TLE3: variants seen among roughly 807,000 people sequenced by gnomAD.
TLE3 encodes transducin-like enhancer protein 3.
Under a neutral mutation model 93.0 loss-of-function variants are expected in TLE3, and 14 were observed. The observed-to-expected ratio is 0.15, with a 90% CI of 0.10 to 0.24. TLE3 has a LOEUF of 0.24. Among genes scored for constraint, TLE3 ranks in the 10% least tolerant of loss-of-function variants. The probability of loss-of-function intolerance (pLI) is 1.00; values close to 1 mark genes in which losing one functional copy is unlikely to be tolerated. For synonymous variants in TLE3, 451 were observed against 425.0 expected (o/e 1.06, Z -0.75); for missense variants, 693 against 1,046.6 (o/e 0.66, Z 4.66).
At chr15:70,070,318 G>T (rs547115740) in intron 6 of TLE3, among the ~76,000 whole-genome samples, 9 of 152,358 alleles carry the variant, frequency 5.9e-5, no homozygotes, top group African/African-American at 2.2e-4. Context: ...TGCAGAGTAC[G>T]TGTAATTGGA....
At chr15:70,071,397 C>A (rs2057150483) in intron 6 of TLE3, among the ~76,000 whole-genome samples, 1 of 152,150 alleles carries the variant, frequency 6.6e-6, no homozygotes, top group Non-Finnish European at 1.5e-5. Context: ...GCCTGGTTCC[C>A]TCTGTCTGTC....
At chr15:70,071,412 C>T (rs2057151836) in intron 6 of TLE3, among the ~76,000 whole-genome samples, 1 of 152,124 alleles carries the variant, frequency 6.6e-6, no homozygotes, top group Non-Finnish European at 1.5e-5. Context: ...TCTGTCTTTC[C>T]TTCCCCTTTT....
chr15:70,073,116 C>G (rs1467003685), intron 6 of TLE3, among the ~76,000 whole-genome samples: 3 of 152,224 alleles, frequency 2.0e-5, no homozygotes, highest in Admixed American at 6.5e-5. Flanking sequence ...TCAAAGGACT[C>G]TGCAACCATC....
chr15:70,097,835 G>T lies in TLE3; in HGVS notation c.-1037C>A. ...ACACACCAAAAAAAAAAGTGCCCCG[G>T]ACCTACGGATACCACACACAGACAG... On this transcript the variant is annotated 5_prime_UTR_variant, in exon 1 of 20. Transcript: ENST00000451782. 2.8e-6 allele frequency: 1 copy of T among 362,350 alleles called. No individual in the cohort carries two copies. Among genetic ancestry groups the T allele is most frequent in the South Asian group, 1.5e-4 (1 of 6,712 alleles). 22.4% of individuals were successfully genotyped at this position (362,350 alleles called of 1,614,324 possible).
At chr15:70,051,764 C>A (rs1197309970) in intron 18 of TLE3, among the ~76,000 whole-genome samples, 1 of 152,118 alleles carries the variant, frequency 6.6e-6, no homozygotes, top group Non-Finnish European at 1.5e-5. Flanking sequence ...GGTTGACTGG[C>A]CTTTCTAAAT....
intron 19 of TLE3, chr15:70,051,036 C>T (rs1259511330): frequency 3.4e-5 from 6 of 176,484 alleles, no homozygotes; most frequent in East Asian, 3.3e-4. Context: ...GCAAGGCTGC[C>T]GGGTGCCCAG....
In TLE3 at chr15:70,077,943, G is replaced by A. The variant is rs150357482; in HGVS notation, c.235-1785C>T. 3.6e-3 allele frequency among the ~76,000 whole-genome samples: 552 copies of A among 152,284 alleles called. 3 individuals carry two copies. The highest frequency in any genetic ancestry group is 0.013 in the African/African-American group (528 of 41,550). ...GACTCCACATTGACACATGTGTGGG[G>A]CACTCTAGCCAGGACACCATACATC... On this transcript the variant is annotated intron_variant, in intron 4 of 19. Coordinates refer to ENST00000451782, the MANE Select transcript of TLE3 (RefSeq NM_001105192.3).
rs1295189660 is a variant in TLE3, at chr15:70,097,394, G to C, written c.-596C>G. 7.3e-6 allele frequency: 3 copies of C among 408,642 alleles called. No individual in the cohort carries two copies. The highest frequency in any genetic ancestry group is 1.3e-5 in the Non-Finnish European group (3 of 231,868). 25.3% of individuals were successfully genotyped at this position (408,642 alleles called of 1,614,324 possible). A position where few individuals can be genotyped will look rare whatever the true frequency, so the allele number is the denominator to read the frequency against. The stretch of plus-strand genomic sequence containing the variant: ...GAGGGTGAGGGCGGGAGCCCGGCGC[G>C]GGCGCTTCGACGCCCCCCCTCGGAG... On this transcript the variant is annotated 5_prime_UTR_variant, in exon 1 of 20. Transcript: ENST00000451782.
intron 16 of TLE3, 42 bp downstream of exon 16, chr15:70,054,396 T>C: frequency 1.3e-6 from 2 of 1,583,830 alleles, no homozygotes; most frequent in Non-Finnish European, 1.7e-6. Flanking sequence ...GGGTAAAAAC[T>C]TCCCCAGGAC....
Position 70,086,389 on chromosome 15 carries a change from C to A in TLE3, c.234+8143G>T, listed in dbSNP as rs78757053. 7.5e-3 allele frequency among the ~76,000 whole-genome samples: 1,143 copies of A among 152,284 alleles called. 18 individuals are homozygous for A. Among genetic ancestry groups the A allele is most frequent in the African/African-American group, 0.026 (1,098 of 41,540 alleles). Reference sequence around the variant, plus strand: ...AGCAAAGACCTGTCGAGGGCTAGCCCAAGGGAAAGATTTGGGAAGTGGGTG... The same window carrying A: ...AGCAAAGACCTGTCGAGGGCTAGCCAAAGGGAAAGATTTGGGAAGTGGGTG... On this transcript the variant is annotated intron_variant, in intron 4 of 19. Transcript: ENST00000451782.
In TLE3 at chr15:70,062,264, T is replaced by C. The variant is rs566320894; in HGVS notation, c.595-1615A>G. Among the ~76,000 whole-genome samples the C allele has an allele frequency of 1.6e-3, 244 of 152,310 alleles. 1 individual carries two copies. The highest frequency in any genetic ancestry group is 5.7e-3 in the African/African-American group (236 of 41,558). ...GCCACAATTCAATTAGCTGCTGCAA[T>C]CGCCGGCAGAAAAATCACCGTCATT... On this transcript the variant is annotated intron_variant, in intron 8 of 19. Transcript: ENST00000451782.
chr15:70,059,117 T>TG (rs1163772087), intron 10 of TLE3, among the ~76,000 whole-genome samples: 1 of 152,064 alleles, frequency 6.6e-6, no homozygotes, highest in Non-Finnish European at 1.5e-5. Flanking sequence ...GCTGAGACCC[T>TG]GGGGGGACGG....
chr15:70,080,580 A>T (rs912574583), intron 4 of TLE3, among the ~76,000 whole-genome samples: 2 of 152,216 alleles, frequency 1.3e-5, no homozygotes, highest in Non-Finnish European at 2.9e-5. Context: ...TAAATGACAG[A>T]AAACAAGATA....
intron 4 of TLE3, among the ~76,000 whole-genome samples, chr15:70,087,779 T>C (rs987398970): frequency 2.0e-5 from 3 of 152,216 alleles, no homozygotes; most frequent in Non-Finnish European, 4.4e-5. Context: ...GAGGCTTTGG[T>C]GACAGAGAGG....
At chr15:70,061,266 C>A (rs931889104) in intron 8 of TLE3, among the ~76,000 whole-genome samples, 1 of 151,986 alleles carries the variant, frequency 6.6e-6, no homozygotes, top group Admixed American at 6.5e-5. Context: ...GTAAAAAAAA[C>A]AAAAATGCCA....
rs557026403 is a variant in TLE3 at position 70,056,062 on chromosome 15, T to C, written c.1328+236A>G. ...CCCAGTGGCCATGTACTTAGCTAACTCCATGGCTCCTCTGTCGGAGGGAGC... is the reference window on the plus strand; with the variant it reads ...CCCAGTGGCCATGTACTTAGCTAACCCCATGGCTCCTCTGTCGGAGGGAGC... On this transcript the variant is annotated intron_variant, in intron 14 of 19. Transcript: ENST00000451782. 4.7e-4 allele frequency: 280 copies of C among 599,716 alleles called. No homozygotes were observed. Among genetic ancestry groups the C allele is most frequent in the Non-Finnish European group, 6.5e-4 (217 of 333,876 alleles). The allele number at this position is 599,716 out of a possible 1,614,324, so 37.1% of individuals were successfully genotyped here.
In TLE3 at chr15:70,053,509, G is replaced by A. The variant is rs75594362; in HGVS notation, c.1827-135C>T. 516 of 1,036,270 alleles carry A rather than the reference G, an allele frequency of 5.0e-4. 2 individuals are homozygous for A. The East Asian group carries it at 0.014, about 27-fold the overall frequency. 64.2% of individuals were successfully genotyped at this position (1,036,270 alleles called of 1,614,324 possible). On this transcript the variant is annotated intron_variant, in intron 16 of 19. Transcript: ENST00000451782. ...TGCACTATGCGCATGGTCCCTTAGC[G>A]AGCTTGCAGCAAAGCTAGCCCCGGC...
intron 8 of TLE3, among the ~76,000 whole-genome samples, chr15:70,063,404 T>A (rs184126341): frequency 3.2e-4 from 48 of 152,330 alleles, no homozygotes; most frequent in Admixed American, 2.9e-3. Context: ...AATGTGGTCC[T>A]GGATTTCTGA....
chr15:70,056,150 T>G (rs1595871585), intron 14 of TLE3, 148 bp downstream of exon 14: 1 of 862,608 alleles, frequency 1.2e-6, no homozygotes. Context: ...CAGCCCTCGG[T>G]GCCTCTAGAG....
Sources: gnomAD v4.1 joint callset for allele counts (sites outside exome capture counted in the v4.1 genomes callset) on GRCh38, gnomAD v4.1.1 for gene constraint, MANE v1.5 for transcripts, NCBI Gene and HGNC (gene_info 2026-07-23, HGNC 2026-07-21) for gene names.